Variants in ADAMTS12 observed in about 807,000 individuals in gnomAD.
ADAMTS12 encodes A disintegrin and metalloproteinase with thrombospondin motifs 12.
A neutral mutation model predicts 167.8 loss-of-function variants in ADAMTS12; 118 were observed. The observed-to-expected ratio is 0.70, with a 90% CI of 0.61 to 0.82. The LOEUF (loss-of-function observed/expected upper bound fraction) is 0.82. Ranked by LOEUF, ADAMTS12 falls within the 40% of genes least tolerant of loss-of-function variation. The pLI, the probability that ADAMTS12 is intolerant of heterozygous loss-of-function variation, is 0.00. For synonymous variants in ADAMTS12, 704 were observed against 716.9 expected (o/e 0.98, Z 0.29); for missense variants, 1,916 against 1,998.8 (o/e 0.96, Z 0.79).
At chr5:33,840,134 GT>G (rs1748695384) in intron 2 of ADAMTS12, 1 of 152,204 alleles carries the variant, frequency 6.6e-6, no homozygotes, top group African/African-American at 2.4e-5. Context: ...CCAGAGGCAA[GT>G]TTACTTACAC....
At chr5:33,886,531 A>G (rs1750644571) in intron 1 of ADAMTS12, among the ~76,000 whole-genome samples, 1 of 152,248 alleles carries the variant, frequency 6.6e-6, no homozygotes, top group Non-Finnish European at 1.5e-5. Context: ...AATAAAGAAA[A>G]GCAGCTGCTC....
intron 2 of ADAMTS12, among the ~76,000 whole-genome samples, chr5:33,773,024 T>C (rs757664655): frequency 1.3e-5 from 2 of 152,230 alleles, no homozygotes; most frequent in Non-Finnish European, 2.9e-5. Context: ...GGTAATCTTT[T>C]AGACAGCTGC....
intron 16 of ADAMTS12, among the ~76,000 whole-genome samples, chr5:33,600,877 A>G (rs1738153346): frequency 1.3e-5 from 2 of 152,218 alleles, no homozygotes; most frequent in Non-Finnish European, 2.9e-5. Flanking sequence ...CTTCACAAGA[A>G]GAAGAGAAGT....
intron 3 of ADAMTS12, among the ~76,000 whole-genome samples, chr5:33,698,662 G>T (rs1341384047): frequency 6.6e-6 from 1 of 152,160 alleles, no homozygotes; most frequent in African/African-American, 2.4e-5. Context: ...TTAAGCACAG[G>T]TGCAGTGGCT....
chr5:33,640,981 G>A (rs867322583), intron 11 of ADAMTS12, among the ~76,000 whole-genome samples: 19 of 151,586 alleles, frequency 1.3e-4, no homozygotes, highest in Admixed American at 7.2e-4. Flanking sequence ...TTTATTGCTC[G>A]CCTTTTAAAA....
intron 7 of ADAMTS12, 37 bp downstream of exon 7, chr5:33,658,147 A>G (rs1271813582): frequency 6.2e-7 from 1 of 1,610,134 alleles, no homozygotes; most frequent in East Asian, 2.2e-5. Context: ...TGACACATGA[A>G]TATGGTGAGC....
At chr5:33,602,062 T>C (rs1388100014) in intron 16 of ADAMTS12, among the ~76,000 whole-genome samples, 1 of 152,066 alleles carries the variant, frequency 6.6e-6, no homozygotes, top group East Asian at 1.9e-4. Flanking sequence ...ACAGCTCTCA[T>C]GGGTTAACAA....
intron 18 of ADAMTS12, among the ~76,000 whole-genome samples, chr5:33,583,335 A>G (rs1164586533): frequency 1.3e-5 from 2 of 152,128 alleles, no homozygotes; most frequent in East Asian, 1.9e-4. Context: ...ATTCATTCCT[A>G]TGGCTGAATA....
intron 3 of ADAMTS12, among the ~76,000 whole-genome samples, chr5:33,685,560 T>C (rs1469426178): frequency 6.6e-6 from 1 of 152,224 alleles, no homozygotes; most frequent in Non-Finnish European, 1.5e-5. Context: ...TTGGCGATAT[T>C]GACAAAAGAA....
intron 4 of ADAMTS12, 64 bp from the exon 5 acceptor site, chr5:33,683,165 G>GA: frequency 7.8e-7 from 1 of 1,282,384 alleles, no homozygotes; most frequent in Admixed American, 1.9e-5. Context: ...TACCAGAGAA[G>GA]AAAATAGCAT....
At position 33,588,608 on chromosome 5, in the gene ADAMTS12, G is replaced by A; in HGVS notation, c.2856C>T (p.Asn952=). ...ILCPSDWTVG[N]WSECSVSCGG... ...CGAGCCCTGAGCTCACCTCACTCCA[G>A]TTGCCCACTGTCCAGTCCGAGGGGC... Residue 952 remains asparagine (N), a synonymous_variant, in exon 18 of 24, where the codon AAC becomes AAT. Coordinates refer to ENST00000504830, the MANE Select transcript of ADAMTS12 (RefSeq NM_030955.4). 6.2e-7 allele frequency: 1 copy of A among 1,614,120 alleles called. No homozygotes were observed. Among genetic ancestry groups the A allele is most frequent in the Non-Finnish European group, 8.5e-7 (1 of 1,180,002 alleles).
chr5:33,530,440 C>T (rs1744042846), intron 23 of ADAMTS12, among the ~76,000 whole-genome samples: 1 of 152,196 alleles, frequency 6.6e-6, no homozygotes, highest in African/African-American at 2.4e-5. Flanking sequence ...CTGGGAAGCC[C>T]CCTGGCAGGG....
chr5:33,649,627 G>A lies in ADAMTS12; in HGVS notation c.1261C>T (p.Arg421Cys), dbSNP rs1295173449. 14 of 1,614,036 alleles carry A rather than the reference G, an allele frequency of 8.7e-6. No individual in the cohort carries two copies. Among genetic ancestry groups the A allele is most frequent in the South Asian group, 1.1e-5 (1 of 91,076 alleles). ...PVGRHPYIMS[R>C]QLQYDPTPLT... ...GGAGTGGGATCGTACTGGAGCTGGC[G>A]GGACATGATGTACGGATGTCTGCCC... Residue 421 changes from arginine (R) to cysteine (C), a missense_variant, in exon 8 of 24, where the codon CGC becomes TGC. Transcript: ENST00000504830.
chr5:33,612,084 G>A (rs369255326), intron 16 of ADAMTS12, among the ~76,000 whole-genome samples: 1 of 152,238 alleles, frequency 6.6e-6, no homozygotes, highest in East Asian at 1.9e-4. Flanking sequence ...TGTGTCCTGT[G>A]TGAATAATAG....
Position 33,561,153 on chromosome 5 carries a change from G to A in ADAMTS12, c.3999C>T (p.Ala1333=), listed in dbSNP as rs754573614. 1 of 1,614,064 alleles carries A rather than the reference G, an allele frequency of 6.2e-7. No homozygotes were observed. The highest frequency in any genetic ancestry group is 8.5e-7 in the Non-Finnish European group (1 of 1,180,000). Residue 1333 remains alanine, a synonymous_variant, in exon 20 of 24, where the codon GCC becomes GCT. Coordinates refer to ENST00000504830, the MANE Select transcript of ADAMTS12 (RefSeq NM_030955.4). ...TGCTGCACTCCACCCTTCTCCAGTAGGCCCCCAGGCCACATGTGGTGGAGC... is the reference window on the plus strand; with the variant it reads ...TGCTGCACTCCACCCTTCTCCAGTAAGCCCCCAGGCCACATGTGGTGGAGC... ...SECSTTCGLG[A]YWRRVECSTQ...
intron 2 of ADAMTS12, among the ~76,000 whole-genome samples, chr5:33,805,024 T>C (rs921131156): frequency 1.3e-5 from 2 of 152,330 alleles, no homozygotes; most frequent in South Asian, 4.1e-4. Flanking sequence ...AATGTACTCA[T>C]GAGAGTGAGC....
chr5:33,787,235 T>A (rs371843260), intron 2 of ADAMTS12, among the ~76,000 whole-genome samples: 98 of 152,316 alleles, frequency 6.4e-4, no homozygotes, highest in African/African-American at 2.3e-3. Flanking sequence ...TTGTCAGGTT[T>A]ACCCCTGAAA....
At chr5:33,881,790 T>A (rs1323387491) in intron 1 of ADAMTS12, among the ~76,000 whole-genome samples, 2 of 150,142 alleles carry the variant, frequency 1.3e-5, no homozygotes, top group Non-Finnish European at 2.9e-5. Context: ...CTCAGGTTGG[T>A]CTTGAACTCC....
At chr5:33,755,246 G>C (rs1745127935) in intron 2 of ADAMTS12, among the ~76,000 whole-genome samples, 1 of 152,188 alleles carries the variant, frequency 6.6e-6, no homozygotes, top group African/African-American at 2.4e-5. Context: ...AAAAGATTTT[G>C]TTACAGTGGG....
Sources: gnomAD v4.1 joint callset for allele counts (sites outside exome capture counted in the v4.1 genomes callset) on GRCh38, gnomAD v4.1.1 for gene constraint, MANE v1.5 for transcripts, NCBI Gene and HGNC (gene_info 2026-07-23, HGNC 2026-07-21) for gene names.